SCARA3: variants seen among roughly 807,000 people sequenced by gnomAD.
SCARA3 encodes the protein cellular stress response gene protein.
Under a neutral mutation model 47.0 loss-of-function variants are expected in SCARA3, and 39 were observed. The ratio of observed to expected loss-of-function variants is 0.83; its 90% CI spans 0.64 to 1.08. The LOEUF is 1.08. Ranked by LOEUF, SCARA3 falls within the 50% of genes least tolerant of loss-of-function variation. The pLI, the probability that SCARA3 is intolerant of heterozygous loss-of-function variation, is 0.00. For missense variants in SCARA3, 724 were observed against 792.3 expected, an observed-to-expected ratio of 0.91 and a Z score of 1.04; for synonymous variants, 356 against 334.1, an observed-to-expected ratio of 1.07 and a Z score of -0.71.
chr8:27,666,316 A>T (rs1175462846), intron 5 of SCARA3, among the ~76,000 whole-genome samples: 2 of 152,188 alleles, frequency 1.3e-5, no homozygotes, highest in Non-Finnish European at 2.9e-5. Flanking sequence ...GGCTGACTTC[A>T]ATGAGTCTTC....
chr8:27,702,921 T>G, the SCARA3 span: 1 of 152,480 alleles, frequency 6.6e-6, no homozygotes, highest in African/African-American at 2.4e-5. Context: ...TCCCCCTCCC[T>G]CTTGTCTTTC....
the SCARA3 span, among the ~76,000 whole-genome samples, chr8:27,705,607 T>G: frequency 6.6e-6 from 1 of 152,236 alleles, no homozygotes; most frequent in Non-Finnish European, 1.5e-5. Context: ...GGGGCTCCAG[T>G]CATTTCTTCA....
chr8:27,680,987 A>G (rs1802346509), downstream of SCARA3, among the ~76,000 whole-genome samples: 1 of 152,224 alleles, frequency 6.6e-6, no homozygotes, highest in Non-Finnish European at 1.5e-5. Flanking sequence ...ATCAAAGGAA[A>G]CTTTAAACTT....
the SCARA3 span, among the ~76,000 whole-genome samples, chr8:27,720,344 A>G: frequency 6.6e-6 from 1 of 152,232 alleles, no homozygotes; most frequent in African/African-American, 2.4e-5. Flanking sequence ...GAAGACTCTT[A>G]AGTAATGTAA....
chr8:27,681,469 A>G (rs1159099008), downstream of SCARA3, among the ~76,000 whole-genome samples: 3 of 152,196 alleles, frequency 2.0e-5, no homozygotes, highest in Non-Finnish European at 2.9e-5. Context: ...TACTCGCATA[A>G]TCCCAACATT....
chr8:27,684,496 G>T, the SCARA3 span, among the ~76,000 whole-genome samples: 1 of 152,072 alleles, frequency 6.6e-6, no homozygotes, highest in African/African-American at 2.4e-5. Context: ...ACCAGCCTGG[G>T]TAACATAGGG....
chr8:27,680,484 G>C (rs1802340917), downstream of SCARA3, among the ~76,000 whole-genome samples: 3 of 152,092 alleles, frequency 2.0e-5, no homozygotes, highest in South Asian at 6.2e-4. Context: ...TTCTTTGAAA[G>C]ATAAAAATCA....
chr8:27,733,183 A>T, the SCARA3 span: 1 of 152,186 alleles, frequency 6.6e-6, no homozygotes, highest in Non-Finnish European at 1.5e-5. Context: ...GACTGTGTGA[A>T]GGGCAGGCAT....
the SCARA3 span, among the ~76,000 whole-genome samples, chr8:27,684,383 A>C: frequency 6.6e-6 from 1 of 152,234 alleles, no homozygotes; most frequent in Admixed American, 6.5e-5. Flanking sequence ...ATAGCCTTGA[A>C]CATCCATATT....
chr8:27,689,421 T>C, the SCARA3 span, among the ~76,000 whole-genome samples: 1 of 151,994 alleles, frequency 6.6e-6, no homozygotes, highest in African/African-American at 2.4e-5. Context: ...AGCATGATTA[T>C]CCTGAGCCGG....
At chr8:27,731,347 G>A in the SCARA3 span, among the ~76,000 whole-genome samples, 2 of 151,598 alleles carry the variant, frequency 1.3e-5, no homozygotes, top group African/African-American at 2.4e-5. Flanking sequence ...TAATCCTCCC[G>A]CCTCGGCCTC....
chr8:27,634,280 C>A, intron 1 of SCARA3, 73 bp downstream of exon 1: 13 of 1,256,622 alleles, frequency 1.0e-5, no homozygotes, highest in Non-Finnish European at 1.3e-5. Context: ...GCCTGGGGGG[C>A]GCCTTTTCTG....
At chr8:27,673,195 T>A (rs1389951126), downstream of SCARA3, among the ~76,000 whole-genome samples, 1 of 152,180 alleles carries the variant, frequency 6.6e-6, no homozygotes, top group Non-Finnish European at 1.5e-5. Context: ...ACCAAGAGCG[T>A]CTGAGGGAAT....
intron 5 of SCARA3, among the ~76,000 whole-genome samples, chr8:27,660,963 G>T (rs1370399059): frequency 3.9e-5 from 6 of 152,180 alleles, no homozygotes; most frequent in Admixed American, 3.3e-4. Context: ...TCCAAAATCC[G>T]CAGAGCTGAT....
At chr8:27,700,997 A>C in the SCARA3 span, among the ~76,000 whole-genome samples, 3 of 152,206 alleles carry the variant, frequency 2.0e-5, no homozygotes, top group South Asian at 2.1e-4. Context: ...TCACAACAGC[A>C]TTGTCCAGAA....
chr8:27,678,810 G>T (rs867821800), downstream of SCARA3, among the ~76,000 whole-genome samples: 1 of 152,154 alleles, frequency 6.6e-6, no homozygotes, highest in African/African-American at 2.4e-5. Context: ...CAAAATTTTA[G>T]CCAATCAAAT....
chr8:27,658,449 T>C (rs1801789919), intron 4 of SCARA3, 47 bp from the exon 5 acceptor site: 3 of 1,497,502 alleles, frequency 2.0e-6, no homozygotes, highest in Non-Finnish European at 2.7e-6. Context: ...GGAAGCGTCG[T>C]ACCCTGGCCC....
chr8:27,728,180 G>A, the SCARA3 span, among the ~76,000 whole-genome samples: 12 of 152,236 alleles, frequency 7.9e-5, no homozygotes, highest in East Asian at 1.3e-3. Flanking sequence ...TTCCAGGTGA[G>A]AGCTAAATTG....
chr8:27,667,764 T>C (rs1802047505), intron 5 of SCARA3, among the ~76,000 whole-genome samples: 1 of 152,160 alleles, frequency 6.6e-6, no homozygotes, highest in African/African-American at 2.4e-5. Context: ...GGGCTGACTA[T>C]GGCACGCCAG....
Sources: gnomAD v4.1 joint callset for allele counts (sites outside exome capture counted in the v4.1 genomes callset) on GRCh38, gnomAD v4.1.1 for gene constraint, MANE v1.5 for transcripts, NCBI Gene and HGNC (gene_info 2026-07-23, HGNC 2026-07-21) for gene names.